The following MINDY2 variants were observed in gnomAD, a reference collection of about 807,000 sequenced individuals.
MINDY2 encodes the protein MINDY lysine 48 deubiquitinase 2.
A neutral mutation model predicts 68.2 loss-of-function variants in MINDY2; 52 were observed. The ratio of observed to expected loss-of-function variants is 0.76; its 90% confidence interval spans 0.61 to 0.96. The LOEUF (loss-of-function observed/expected upper bound fraction) is 0.96, where lower values mean the gene tolerates loss of function less well. Ranked by LOEUF, MINDY2 falls within the 40% of genes least tolerant of loss-of-function variation. MINDY2 has a pLI of 0.00. For synonymous variants in MINDY2, 372 were observed against 303.0 expected (o/e 1.23, Z -2.36); for missense variants, 881 against 773.4 (o/e 1.14, Z -1.65).
intron 6 of MINDY2, among the ~76,000 whole-genome samples, chr15:58,841,291 G>T (rs1479429523): frequency 2.0e-5 from 3 of 151,406 alleles, no homozygotes; most frequent in Middle Eastern, 3.4e-3. Flanking sequence ...CCAACTTCAT[G>T]ATTTTCTTAT....
chr15:58,820,013 C>T (rs2030957595), intron 4 of MINDY2, among the ~76,000 whole-genome samples: 1 of 152,154 alleles, frequency 6.6e-6, no homozygotes, highest in Admixed American at 6.5e-5. Flanking sequence ...CACCTGTAAT[C>T]CCAGCACTTT....
chr15:58,847,157 A>G (rs2032576532), intron 6 of MINDY2, 140 bp from the exon 7 acceptor site: 7 of 568,922 alleles, frequency 1.2e-5, no homozygotes, highest in Non-Finnish European at 2.0e-5. Context: ...TACTTGGTCT[A>G]TTTATTGTGT....
At chr15:58,832,029 A>T in intron 6 of MINDY2, 113 bp downstream of exon 6, 3 of 930,328 alleles carry the variant, frequency 3.2e-6, no homozygotes, top group Non-Finnish European at 4.6e-6. Flanking sequence ...TTTCTTAACC[A>T]TCAAATTATG....
At chr15:58,851,419 T>C (rs2032805671) in intron 7 of MINDY2, among the ~76,000 whole-genome samples, 7 of 152,104 alleles carry the variant, frequency 4.6e-5, no homozygotes, top group Admixed American at 4.6e-4. Flanking sequence ...TTTATATTGT[T>C]TTCTTTTTCT....
At chr15:58,786,003 A>G (rs1042439500) in intron 1 of MINDY2, among the ~76,000 whole-genome samples, 6 of 152,196 alleles carry the variant, frequency 3.9e-5, no homozygotes, top group African/African-American at 1.4e-4. Flanking sequence ...GAGAATAAAA[A>G]TAATTTAGAA....
chr15:58,831,982 T>G, intron 6 of MINDY2, 66 bp downstream of exon 6: 2 of 1,388,842 alleles, frequency 1.4e-6, no homozygotes, highest in Non-Finnish European at 1.9e-6. Flanking sequence ...AGAGTTGTCT[T>G]TTGATCTGCT....
Position 58,854,727 on chromosome 15 carries a change from T to C in MINDY2, c.*117T>C, listed in dbSNP as rs1410192203. On this transcript the variant is annotated 3_prime_UTR_variant, in exon 9 of 9. Transcript: ENST00000559228. ...CTGATTTCCTAATGGATTTTGTTCG[T>C]TTTTTCAGGGGAACGGTTGTTACTT... The C allele has an allele frequency of 3.2e-6, 4 of 1,253,968 alleles. No homozygotes were observed. In the Admixed American group the frequency reaches 7.0e-5, roughly 22 times the overall value. 77.7% of individuals were successfully genotyped at this position (1,253,968 alleles called of 1,614,324 possible).
rs8029869 is a variant in MINDY2 at position 58,772,079 on chromosome 15, G to C, written c.684G>C (p.Gln228His). The C allele has an allele frequency of 1.2e-6, 2 of 1,613,206 alleles. No homozygotes were observed. Among genetic ancestry groups the C allele is most frequent in the Non-Finnish European group, 1.7e-6 (2 of 1,179,484 alleles). The change falls in exon 1 of 9, where the codon CAG becomes CAC. Residue 228 changes from glutamine (Q) to histidine (H), a missense_variant. Physicochemically the swap from Gln to His is conservative, Grantham distance 24 (BLOSUM62 0). Coordinates refer to ENST00000559228, the MANE Select transcript of MINDY2 (RefSeq NM_001040450.3). Reference protein sequence around the residue: ...CKEEEGEETAQVLAASKERFP... With the variant: ...CKEEEGEETAHVLAASKERFP... The stretch of plus-strand genomic sequence containing the variant: ...AGGAGGAGGGGGAGGAGACCGCTCA[G>C]GTGCTGGCGGCCTCCAAGGAACGCT...
At chr15:58,840,067 C>T (rs1043424344) in intron 6 of MINDY2, among the ~76,000 whole-genome samples, 6 of 152,166 alleles carry the variant, frequency 3.9e-5, no homozygotes, top group African/African-American at 1.4e-4. Flanking sequence ...CTCCTGACCT[C>T]AGGCAGTCTG....
At position 58,861,255 on chromosome 15, in the gene MINDY2, G is replaced by C. The variant is rs771875342; in HGVS notation, c.*6645G>C. 1.3e-5 allele frequency: 2 copies of C among 152,112 alleles called. No individual in the cohort carries two copies. Among genetic ancestry groups the C allele is most frequent in the Non-Finnish European group, 2.9e-5 (2 of 68,018 alleles). The allele number at this position is 152,112 out of a possible 1,614,324, so 9.4% of individuals were successfully genotyped here. A position where few individuals can be genotyped will look rare whatever the true frequency, so the allele number is the denominator to read the frequency against. On this transcript the variant is annotated 3_prime_UTR_variant, in exon 9 of 9. Coordinates refer to ENST00000559228, the MANE Select transcript of MINDY2 (RefSeq NM_001040450.3). ...AGTTTTCTTTCTCCACTTTATTGTT[G>C]GACTAATTGGGTCAATTTGCTGTGA...
At chr15:58,810,457 T>A in intron 4 of MINDY2, 69 bp downstream of exon 4, 1 of 1,350,184 alleles carries the variant, frequency 7.4e-7, no homozygotes, top group South Asian at 1.6e-5. Flanking sequence ...CAAATTAATC[T>A]CAATTTATAT....
At chr15:58,784,332 T>A (rs1451681445) in intron 1 of MINDY2, among the ~76,000 whole-genome samples, 1 of 152,016 alleles carries the variant, frequency 6.6e-6, no homozygotes, top group Non-Finnish European at 1.5e-5. Flanking sequence ...GTCTTAAAAA[T>A]AATAATAATA....
At chr15:58,843,857 C>A (rs2032396998) in intron 6 of MINDY2, among the ~76,000 whole-genome samples, 1 of 116,654 alleles carries the variant, frequency 8.6e-6, no homozygotes, top group African/African-American at 2.9e-5. Context: ...AAAAAAAAAT[C>A]CTGACAATAT....
At chr15:58,851,378 G>GT (rs1176890482) in intron 7 of MINDY2, among the ~76,000 whole-genome samples, 4 of 151,958 alleles carry the variant, frequency 2.6e-5, no homozygotes, top group Non-Finnish European at 4.4e-5. Context: ...AAAATAAAAT[G>GT]TTTTTTATTT....
rs1166996465 is a variant in MINDY2, at chr15:58,771,650, G to T, written c.255G>T (p.Leu85Phe). ...VPGPCSSSAG[L>F]DLKDSGLESP... ...GACCCTGCAGCTCCTCCGCGGGTTT[G>T]GACTTGAAGGACAGTGGTTTGGAGA... Residue 85 changes from leucine (L) to phenylalanine (F), a missense_variant, in exon 1 of 9, where the codon TTG (leucine) becomes TTT (phenylalanine). By Grantham distance (22) the Leu-to-Phe change is conservative. Transcript: ENST00000559228. 6.2e-7 allele frequency: 1 copy of T among 1,612,512 alleles called. No individual in the cohort carries two copies. The highest frequency in any genetic ancestry group is 1.7e-5 in the Admixed American group (1 of 60,020).
At chr15:58,791,555 T>G (rs1406552454) in intron 2 of MINDY2, among the ~76,000 whole-genome samples, 1 of 150,218 alleles carries the variant, frequency 6.7e-6, no homozygotes, top group Non-Finnish European at 1.5e-5. Flanking sequence ...ATCCAGAGGC[T>G]GCAGTGAGCC....
intron 4 of MINDY2, among the ~76,000 whole-genome samples, chr15:58,820,232 C>T (rs2030973867): frequency 6.6e-6 from 1 of 152,056 alleles, no homozygotes; most frequent in Non-Finnish European, 1.5e-5. Flanking sequence ...TGTCAGTGCA[C>T]TCTAGCCTGG....
chr15:58,834,014 G>A (rs1218879166), intron 6 of MINDY2, among the ~76,000 whole-genome samples: 2 of 152,118 alleles, frequency 1.3e-5, no homozygotes, highest in African/African-American at 2.4e-5. Context: ...GCAGTGTTTT[G>A]TGTCTCTGGG....
At chr15:58,799,504 G>A (rs999868597) in intron 2 of MINDY2, among the ~76,000 whole-genome samples, 1 of 151,740 alleles carries the variant, frequency 6.6e-6, no homozygotes, top group Non-Finnish European at 1.5e-5. Flanking sequence ...GCATGAACCC[G>A]GGAGGCGGAG....
Sources: allele counts gnomAD v4.1 joint callset (sites outside exome capture counted in the v4.1 genomes callset), GRCh38; gene constraint gnomAD v4.1.1; transcripts MANE v1.5; gene names NCBI Gene and HGNC (gene_info 2026-07-23, HGNC 2026-07-21).